Variants in PREPL observed in about 807,000 individuals in gnomAD.
PREPL encodes the protein prolyl endopeptidase-like.
A neutral mutation model predicts 70.6 loss-of-function variants in PREPL; 77 were observed. The ratio of observed to expected loss-of-function variants is 1.09; its 90% CI spans 0.91 to 1.32. The LOEUF (loss-of-function observed/expected upper bound fraction) is 1.32, where lower values mean the gene tolerates loss of function less well. PREPL is among the 40% of genes most tolerant of loss of function. The probability of loss-of-function intolerance (pLI) is 0.00; values close to 1 mark genes in which losing one functional copy is unlikely to be tolerated. For synonymous variants in PREPL, 315 were observed against 264.8 expected, an observed-to-expected ratio of 1.19 and a Z score of -1.84; for missense variants, 1,002 against 778.2, an observed-to-expected ratio of 1.29 and a Z score of -3.42.
intron 3 of PREPL, 91 bp downstream of exon 3, chr2:44,344,429 C>T: frequency 1.0e-6 from 1 of 971,384 alleles, no homozygotes; most frequent in Non-Finnish European, 1.5e-6. Flanking sequence ...TTAAAAAAAT[C>T]TTTTCTCTAT....
rs988650829 is a variant in PREPL, at chr2:44,360,153, C to G, written c.-49+1227G>C. On this transcript the variant is annotated intron_variant, in intron 1 of 13. Transcript: ENST00000409411. Reference sequence around the variant, plus strand: ...AAAGGTAAAAAGCCCTTTGGTCTTACATAATTATGAACGTATCTTTGGTAT... The same window carrying G: ...AAAGGTAAAAAGCCCTTTGGTCTTAGATAATTATGAACGTATCTTTGGTAT... The G allele has an allele frequency of 2.0e-5, 3 of 153,438 alleles. No individual in the cohort carries two copies. In the Admixed American group the frequency reaches 2.0e-4, roughly 10 times the overall value. The allele number at this position is 153,438 out of a possible 1,614,324, so 9.5% of individuals were successfully genotyped here. A position where few individuals can be genotyped will look rare whatever the true frequency, so the allele number is the denominator to read the frequency against.
intron 8 of PREPL, among the ~76,000 whole-genome samples, chr2:44,330,920 A>T (rs1021077621): frequency 2.0e-5 from 3 of 151,566 alleles, no homozygotes; most frequent in African/African-American, 7.3e-5. Flanking sequence ...CTTTTACTTG[A>T]TTTTGGCCAT....
chr2:44,361,661 A>G (rs188197554), upstream of PREPL: 600 of 249,334 alleles, frequency 2.4e-3, 3 homozygotes, highest in African/African-American at 0.013. Flanking sequence ...CTCGAAATAT[A>G]TAAGACTTTT....
rs781459763 is a variant in PREPL, at chr2:44,321,452, G to T, written c.1828-7C>A. 1.9e-6 allele frequency: 3 copies of T among 1,609,798 alleles called. No homozygotes were observed. Among genetic ancestry groups the T allele is most frequent in the Admixed American group, 1.7e-5 (1 of 59,816 alleles). On this transcript the variant is annotated splice_region_variant and splice_polypyrimidine_tract_variant and intron_variant, in intron 13 of 13. Transcript: ENST00000409411. ...ATTTAATTTGGGCTGTAATCTAAAAGAAACACATTAAAAAAATTAAATAGA... is the reference window on the plus strand; with the variant it reads ...ATTTAATTTGGGCTGTAATCTAAAATAAACACATTAAAAAAATTAAATAGA...
rs1418700189 is a variant in PREPL, at chr2:44,332,493, G to C, written c.1052C>G (p.Thr351Ser). The C allele has an allele frequency of 2.5e-6, 4 of 1,614,054 alleles. No individual in the cohort carries two copies. The highest frequency in any genetic ancestry group is 3.4e-6 in the Non-Finnish European group (4 of 1,179,966). ...ETGHEDPITKTSRVLRLEAKS... is the reference protein window; with the variant it reads ...ETGHEDPITKSSRVLRLEAKS... ...GGCTTCTAGACGTAAAACGCGACTA[G>C]TCTTTGTGATTGGGTCTTCATGCCC... Residue 351 changes from threonine (T) to serine (S), a missense_variant, in exon 8 of 14, where the codon ACT (threonine) becomes AGT (serine). Coordinates refer to ENST00000409411, the MANE Select transcript of PREPL (RefSeq NM_001171613.2).
chr2:44,338,665 C>A, intron 6 of PREPL, 129 bp from the exon 7 acceptor site: 1 of 758,852 alleles, frequency 1.3e-6, no homozygotes, highest in Non-Finnish European at 2.1e-6. Context: ...GGAACTAACG[C>A]TGCATCAGGG....
intron 1 of PREPL, among the ~76,000 whole-genome samples, chr2:44,350,093 A>G (rs1676253580): frequency 6.6e-6 from 1 of 152,226 alleles, no homozygotes; most frequent in Non-Finnish European, 1.5e-5. Context: ...TCATTTTATT[A>G]GGCTAATATA....
chr2:44,338,211 G>A (rs1019064169), intron 7 of PREPL, 140 bp downstream of exon 7: 1 of 795,584 alleles, frequency 1.3e-6, no homozygotes, highest in Admixed American at 3.2e-5. Flanking sequence ...ACCCAAGAGT[G>A]ACTTTGCTAA....
In PREPL at chr2:44,317,780, AAAC is replaced by A. The variant is rs1367181526; in HGVS notation, c.*3573_*3575del. 1 of 153,664 alleles carries A rather than the reference AAAC, an allele frequency of 6.5e-6. No individual in the cohort carries two copies. Among genetic ancestry groups the A allele is most frequent in the Admixed American group, 6.5e-5 (1 of 15,390 alleles). The allele number at this position is 153,664 out of a possible 1,614,324, so 9.5% of individuals were successfully genotyped here. On this transcript the variant is annotated 3_prime_UTR_variant, in exon 14 of 14. Coordinates refer to ENST00000409411, the MANE Select transcript of PREPL (RefSeq NM_001171613.2). Reference sequence around the variant, plus strand: ...AAAAAGCTTAATAGAAAAAAACCCTAAACAATAGTATAACTACAAATAAAATAG... The same window carrying A: ...AAAAAGCTTAATAGAAAAAAACCCTAAATAGTATAACTACAAATAAAATAG...
chr2:44,352,345 C>T (rs1020746053), intron 1 of PREPL, among the ~76,000 whole-genome samples: 3 of 152,088 alleles, frequency 2.0e-5, no homozygotes, highest in African/African-American at 7.2e-5. Flanking sequence ...CTCATTGCAA[C>T]CTCTGCCTCC....
intron 1 of PREPL, chr2:44,359,538 C>G (rs1677433233): frequency 1.2e-6 from 2 of 1,613,462 alleles, no homozygotes; most frequent in East Asian, 2.2e-5. Context: ...CTTGCTAACT[C>G]TGATATCTTG....
chr2:44,331,231 C>T (rs1000554900), intron 8 of PREPL, among the ~76,000 whole-genome samples: 46 of 152,158 alleles, frequency 3.0e-4, no homozygotes, highest in African/African-American at 1.0e-3. Context: ...GTTTGAGCCA[C>T]TGTGCCTAGC....
chr2:44,342,265 T>C lies in PREPL; in HGVS notation c.485+152A>G, dbSNP rs1010842399. 7 of 631,344 alleles carry C rather than the reference T, an allele frequency of 1.1e-5. No homozygotes were observed. The South Asian group carries it at 2.3e-4, about 20-fold the overall frequency. 39.1% of individuals were successfully genotyped at this position (631,344 alleles called of 1,614,324 possible). A position where few individuals can be genotyped will look rare whatever the true frequency, so the allele number is the denominator to read the frequency against. ...TTTTGAATATTACCAGACTCCAATTTTGAATACAAACAACTAATAAAAGAA... is the reference window on the plus strand; with the variant it reads ...TTTTGAATATTACCAGACTCCAATTCTGAATACAAACAACTAATAAAAGAA... On this transcript the variant is annotated intron_variant, in intron 5 of 13. Transcript: ENST00000409411.
intron 9 of PREPL, 22 bp from the exon 10 acceptor site, chr2:44,326,950 G>C: frequency 1.9e-6 from 3 of 1,605,236 alleles, no homozygotes; most frequent in Non-Finnish European, 2.6e-6. Context: ...GGGCAAAAAA[G>C]TTTTAGTGGA....
intron 1 of PREPL, among the ~76,000 whole-genome samples, chr2:44,361,102 A>G (rs561793613): frequency 2.6e-5 from 4 of 151,276 alleles, no homozygotes; most frequent in African/African-American, 9.9e-5. Context: ...CACAGCCTTT[A>G]TCCATCCATC....
chr2:44,319,029 A>C lies in PREPL; in HGVS notation c.*2327T>G, dbSNP rs1672692699. The C allele has an allele frequency of 6.6e-6, 1 of 152,226 alleles. No individual in the cohort carries two copies. The highest frequency in any genetic ancestry group is 1.5e-5 in the Non-Finnish European group (1 of 68,040). The allele number at this position is 152,226 out of a possible 1,614,324, so 9.4% of individuals were successfully genotyped here. ...ACCGGGCACTTCTTATGTGAGTGGC[A>C]CTGAAACATGTGCTTTCATGCATTA... On this transcript the variant is annotated 3_prime_UTR_variant, in exon 14 of 14. Coordinates refer to ENST00000409411, the MANE Select transcript of PREPL (RefSeq NM_001171613.2).
At chr2:44,345,738 A>G (rs1189838636) in intron 2 of PREPL, among the ~76,000 whole-genome samples, 1 of 152,186 alleles carries the variant, frequency 6.6e-6, no homozygotes, top group Non-Finnish European at 1.5e-5. Context: ...ATACTACTTA[A>G]AGTGAATTCC....
In PREPL at chr2:44,320,830, G is replaced by T; in HGVS notation, c.*526C>A. On this transcript the variant is annotated 3_prime_UTR_variant, in exon 14 of 14. Coordinates refer to ENST00000409411, the MANE Select transcript of PREPL (RefSeq NM_001171613.2). Reference sequence around the variant, plus strand: ...ATAAAATGTTTAAAAGTAAATTATGGCTTATAGGAGCTTATAACTTTATTC... The same window carrying T: ...ATAAAATGTTTAAAAGTAAATTATGTCTTATAGGAGCTTATAACTTTATTC... 3 of 602,142 alleles carry T rather than the reference G, an allele frequency of 5.0e-6. No homozygotes were observed. Among genetic ancestry groups the T allele is most frequent in the East Asian group, 5.7e-5 (2 of 34,826 alleles). 37.3% of individuals were successfully genotyped at this position (602,142 alleles called of 1,614,324 possible).
Position 44,320,833 on chromosome 2 carries a change from T to C in PREPL, c.*523A>G. On this transcript the variant is annotated 3_prime_UTR_variant, in exon 14 of 14. Transcript: ENST00000409411. ...AAATGTTTAAAAGTAAATTATGGCT[T>C]ATAGGAGCTTATAACTTTATTCAGA... 1 of 601,424 alleles carries C rather than the reference T, an allele frequency of 1.7e-6. No homozygotes were observed. Among genetic ancestry groups the C allele is most frequent in the Admixed American group, 2.8e-5 (1 of 36,148 alleles). The allele number at this position is 601,424 out of a possible 1,614,324, so 37.3% of individuals were successfully genotyped here.
Sources: gnomAD v4.1 joint callset for allele counts (sites outside exome capture counted in the v4.1 genomes callset) on GRCh38, gnomAD v4.1.1 for gene constraint, MANE v1.5 for transcripts, NCBI Gene and HGNC (gene_info 2026-07-23, HGNC 2026-07-21) for gene names.